WDR70: variants seen among roughly 807,000 people sequenced by gnomAD.
WDR70 encodes the protein WD repeat-containing protein 70.
In WDR70, 53 loss-of-function variants were observed where a neutral mutation model predicts 88.6. That is an observed-to-expected ratio of 0.60 (90% CI 0.48 to 0.75). WDR70 has a LOEUF of 0.75. Among genes scored for constraint, WDR70 ranks in the 30% least tolerant of loss-of-function variants. The pLI is 0.00. For missense variants in WDR70, 610 were observed against 823.2 expected (o/e 0.74, Z 3.17); for synonymous variants, 280 against 270.0 (o/e 1.04, Z -0.36).
At chr5:37,420,681 T>C (rs1263653985) in intron 5 of WDR70, among the ~76,000 whole-genome samples, 1 of 151,852 alleles carries the variant, frequency 6.6e-6, no homozygotes, top group Non-Finnish European at 1.5e-5. Flanking sequence ...TCCTCTCACT[T>C]TGGGAGGATG....
At chr5:37,728,273 G>A (rs949547129) in intron 17 of WDR70, among the ~76,000 whole-genome samples, 5 of 150,808 alleles carry the variant, frequency 3.3e-5, no homozygotes, top group African/African-American at 4.9e-5. Flanking sequence ...GCTTGAACCC[G>A]GGAGGTGGAG....
intron 9 of WDR70, among the ~76,000 whole-genome samples, chr5:37,536,430 G>A (rs1741669835): frequency 6.6e-6 from 1 of 151,960 alleles, no homozygotes; most frequent in African/African-American, 2.4e-5. Flanking sequence ...TGAAATGCTG[G>A]GGACCAGAAG....
intron 17 of WDR70, among the ~76,000 whole-genome samples, chr5:37,734,006 T>C (rs1373364732): frequency 6.6e-6 from 1 of 152,032 alleles, no homozygotes; most frequent in Non-Finnish European, 1.5e-5. Context: ...GTTATTTATA[T>C]ATATTAGTTT....
intron 7 of WDR70, among the ~76,000 whole-genome samples, chr5:37,473,614 G>T (rs1361029753): frequency 6.6e-6 from 1 of 152,282 alleles, no homozygotes; most frequent in African/African-American, 2.4e-5. Flanking sequence ...AACGTGCTGG[G>T]ATTACAGGCT....
At chr5:37,449,181 T>C (rs548349230) in intron 7 of WDR70, among the ~76,000 whole-genome samples, 5 of 152,382 alleles carry the variant, frequency 3.3e-5, no homozygotes, top group African/African-American at 1.2e-4. Context: ...GTATTTATTT[T>C]GTTGCTCAGC....
chr5:37,592,872 C>T (rs1381624747), intron 9 of WDR70, among the ~76,000 whole-genome samples: 2 of 152,218 alleles, frequency 1.3e-5, no homozygotes, highest in Non-Finnish European at 2.9e-5. Context: ...TAGAAAATTT[C>T]TGCCAGTAAC....
intron 15 of WDR70, chr5:37,724,496 C>T: frequency 6.4e-6 from 1 of 155,434 alleles, no homozygotes; most frequent in Non-Finnish European, 1.4e-5. Flanking sequence ...GGTCACATTT[C>T]AGAAACGTGT....
chr5:37,487,687 G>A (rs1303657625), intron 8 of WDR70, among the ~76,000 whole-genome samples: 1 of 145,328 alleles, frequency 6.9e-6, no homozygotes, highest in South Asian at 2.1e-4. Context: ...GTGCAGTGGT[G>A]CGATCTCAGC....
rs547567879 is a variant in WDR70 at position 37,697,828 on chromosome 5, T to A, written c.1192+74T>A. 2.1e-5 allele frequency: 27 copies of A among 1,291,732 alleles called. No individual in the cohort carries two copies. The East Asian group carries it at 5.2e-4, about 25-fold the overall frequency. The allele number at this position is 1,291,732 out of a possible 1,614,324, so 80.0% of individuals were successfully genotyped here. A position where few individuals can be genotyped will look rare whatever the true frequency, so the allele number is the denominator to read the frequency against. ...ATCTTTAACAAATATGACAATAATA[T>A]CCTAGTGCTTAGTAAAGCTTGCTTT... On this transcript the variant is annotated intron_variant, in intron 11 of 17. Transcript: ENST00000265107.
intron 8 of WDR70, among the ~76,000 whole-genome samples, chr5:37,503,737 T>C (rs1740472147): frequency 7.3e-6 from 1 of 136,550 alleles, no homozygotes; most frequent in Non-Finnish European, 1.6e-5. Context: ...TGAATCCACC[T>C]GGTCCTGAGT....
intron 10 of WDR70, among the ~76,000 whole-genome samples, chr5:37,630,341 C>G (rs1040065208): frequency 1.3e-5 from 2 of 152,186 alleles, no homozygotes; most frequent in African/African-American, 2.4e-5. Flanking sequence ...CTTCAACAGT[C>G]TGCAATGTTT....
chr5:37,487,569 A>G (rs1478852707), intron 8 of WDR70, among the ~76,000 whole-genome samples: 1 of 146,122 alleles, frequency 6.8e-6, no homozygotes, highest in Non-Finnish European at 1.5e-5. Flanking sequence ...TATATTCTTT[A>G]TATCATTTTA....
chr5:37,508,004 T>C (rs895010631), intron 8 of WDR70, among the ~76,000 whole-genome samples: 2 of 152,204 alleles, frequency 1.3e-5, no homozygotes, highest in African/African-American at 4.8e-5. Context: ...GGCTTCCAGA[T>C]TGACATTGAA....
At chr5:37,618,478 C>T (rs1744409256) in intron 10 of WDR70, among the ~76,000 whole-genome samples, 1 of 152,130 alleles carries the variant, frequency 6.6e-6, no homozygotes, top group Non-Finnish European at 1.5e-5. Flanking sequence ...AAGTGATTCT[C>T]CTGCCTCAGC....
At chr5:37,689,164 G>A (rs1213755597) in intron 10 of WDR70, among the ~76,000 whole-genome samples, 1 of 152,212 alleles carries the variant, frequency 6.6e-6, no homozygotes, top group Non-Finnish European at 1.5e-5. Context: ...GGCTTGAGTA[G>A]GTAAACAAAG....
intron 7 of WDR70, among the ~76,000 whole-genome samples, chr5:37,475,365 G>T (rs946900695): frequency 5.9e-5 from 9 of 152,010 alleles, no homozygotes; most frequent in Non-Finnish European, 1.0e-4. Flanking sequence ...CTCCCAAGTA[G>T]CTGGGATTAC....
intron 8 of WDR70, among the ~76,000 whole-genome samples, chr5:37,483,642 G>A (rs1739747546): frequency 1.3e-5 from 2 of 151,226 alleles, no homozygotes; most frequent in South Asian, 2.1e-4. Flanking sequence ...GGTGGTGGCC[G>A]GGCAGAGGGG....
intron 6 of WDR70, 22 bp from the exon 7 acceptor site, chr5:37,443,217 T>G (rs1484687318): frequency 6.3e-7 from 1 of 1,576,758 alleles, no homozygotes; most frequent in Non-Finnish European, 8.6e-7. Flanking sequence ...CCGGTCATTT[T>G]ATTTTATTTT....
chr5:37,519,509 G>A (rs76346305), intron 9 of WDR70, among the ~76,000 whole-genome samples: 3 of 149,364 alleles, frequency 2.0e-5, no homozygotes, highest in African/African-American at 5.0e-5. Context: ...CGGCCGGGCG[G>A]AGGCGCTCCT....
Sources: allele counts gnomAD v4.1 joint callset (sites outside exome capture counted in the v4.1 genomes callset), GRCh38; gene constraint gnomAD v4.1.1; transcripts MANE v1.5; gene names NCBI Gene and HGNC (gene_info 2026-07-23, HGNC 2026-07-21).